The following SGMS1 variants were observed in gnomAD, a reference collection of about 807,000 sequenced individuals.
SGMS1 encodes the protein sphingomyelin synthase 1, also known as phosphatidylcholine:ceramide cholinephosphotransferase 1.
A neutral mutation model predicts 46.2 loss-of-function variants in SGMS1; 13 were observed. That is an observed-to-expected ratio of 0.28 (90% CI 0.18 to 0.45). The LOEUF (loss-of-function observed/expected upper bound fraction) is 0.45. Ranked by LOEUF, SGMS1 falls within the 20% of genes least tolerant of loss-of-function variation. The pLI is 1.00. For synonymous variants in SGMS1, 203 were observed against 187.8 expected, an observed-to-expected ratio of 1.08 and a Z score of -0.66; for missense variants, 324 against 519.9, an observed-to-expected ratio of 0.62 and a Z score of 3.66.
At chr10:50,360,951 T>C (rs1391486667) in intron 6 of SGMS1, among the ~76,000 whole-genome samples, 1 of 152,256 alleles carries the variant, frequency 6.6e-6, no homozygotes, top group Admixed American at 6.5e-5. Flanking sequence ...CGTGCTTTAC[T>C]ATCCTCTGCT....
intron 2 of SGMS1, among the ~76,000 whole-genome samples, chr10:50,571,966 A>G (rs2131859338): frequency 6.6e-6 from 1 of 152,256 alleles, no homozygotes; most frequent in South Asian, 2.1e-4. Flanking sequence ...ATCACCAAAG[A>G]AGGTTCTAAT....
intron 2 of SGMS1, among the ~76,000 whole-genome samples, chr10:50,585,823 T>C (rs1838478193): frequency 1.3e-5 from 2 of 152,224 alleles, no homozygotes; most frequent in South Asian, 4.1e-4. Context: ...TGAAATACAA[T>C]AGACACTCTG....
intron 6 of SGMS1, among the ~76,000 whole-genome samples, chr10:50,345,786 T>C (rs1847904350): frequency 6.6e-6 from 1 of 152,158 alleles, no homozygotes; most frequent in Admixed American, 6.5e-5. Context: ...ATCCCCAAGA[T>C]TGAAATCCGA....
chr10:50,427,362 G>A (rs914452947), intron 6 of SGMS1, among the ~76,000 whole-genome samples: 12 of 152,196 alleles, frequency 7.9e-5, no homozygotes, highest in African/African-American at 2.7e-4. Flanking sequence ...TGGCGCCACA[G>A]CACTCCAGCC....
chr10:50,558,935 T>C (rs1456968762), intron 2 of SGMS1, among the ~76,000 whole-genome samples: 3 of 152,150 alleles, frequency 2.0e-5, no homozygotes, highest in African/African-American at 7.2e-5. Context: ...GAGTAGGCTA[T>C]AAGTAGTTAT....
At chr10:50,461,291 C>G (rs1031294518) in intron 4 of SGMS1, among the ~76,000 whole-genome samples, 5 of 152,182 alleles carry the variant, frequency 3.3e-5, no homozygotes, top group Middle Eastern at 3.4e-3. Flanking sequence ...CAAAACATTA[C>G]CCTCATAAGT....
chr10:50,543,820 C>A (rs1480460110), intron 2 of SGMS1, among the ~76,000 whole-genome samples: 2 of 151,988 alleles, frequency 1.3e-5, no homozygotes, highest in Non-Finnish European at 2.9e-5. Context: ...TTACTTGGTT[C>A]CAAATGTCTT....
intron 6 of SGMS1, among the ~76,000 whole-genome samples, chr10:50,401,044 A>G (rs923699322): frequency 6.6e-5 from 10 of 152,188 alleles, no homozygotes; most frequent in Admixed American, 1.3e-4. Flanking sequence ...ATTGACCTCA[A>G]TGGGACTTGT....
intron 1 of SGMS1, among the ~76,000 whole-genome samples, chr10:50,597,839 CCT>C (rs1192975270): frequency 6.6e-6 from 1 of 151,880 alleles, no homozygotes; most frequent in African/African-American, 2.4e-5. Context: ...CTGGAGAAAC[CCT>C]GTGTCTATTA....
rs373154739 is a variant in SGMS1, at chr10:50,588,807, G to A, written c.-589+1346C>T. On this transcript the variant is annotated intron_variant, in intron 2 of 10. Coordinates refer to ENST00000361781, the MANE Select transcript of SGMS1 (RefSeq NM_147156.4). ...TGCAGAGGCGTGATCTCGGCTCACC[G>A]CAACCTCTGCCTCCCAGGCTCAAGT... Among the ~76,000 whole-genome samples, 11 of 130,404 alleles carry A rather than the reference G, an allele frequency of 8.4e-5. No homozygotes were observed. The East Asian group carries it at 2.1e-3, about 25-fold the overall frequency. 85.6% of individuals were successfully genotyped at this position (130,404 alleles called of 152,430 possible). A position where few individuals can be genotyped will look rare whatever the true frequency, so the allele number is the denominator to read the frequency against.
At position 50,464,754 on chromosome 10, in the gene SGMS1, G is replaced by T. The variant is rs1191696766; in HGVS notation, c.-455+2136C>A. Reference sequence around the variant, plus strand: ...TGGCCCGTTGATTTTAGCCCAGTGAGACCTGCATCAGTCTTCTGACCCACA... The same window carrying T: ...TGGCCCGTTGATTTTAGCCCAGTGATACCTGCATCAGTCTTCTGACCCACA... On this transcript the variant is annotated intron_variant, in intron 4 of 10. Transcript: ENST00000361781. Among the ~76,000 whole-genome samples the T allele has an allele frequency of 4.6e-5, 7 of 152,226 alleles. No homozygotes were observed. The East Asian group carries it at 1.2e-3, about 25-fold the overall frequency.
At chr10:50,498,975 G>C (rs1837638904) in intron 3 of SGMS1, among the ~76,000 whole-genome samples, 1 of 151,988 alleles carries the variant, frequency 6.6e-6, no homozygotes, top group Non-Finnish European at 1.5e-5. Context: ...GCCAACATTT[G>C]TTATTTTCTG....
chr10:50,355,555 G>A (rs987340728), intron 6 of SGMS1, among the ~76,000 whole-genome samples: 5 of 152,164 alleles, frequency 3.3e-5, no homozygotes, highest in Non-Finnish European at 7.3e-5. Flanking sequence ...GATTGCAGAC[G>A]GAGTCTCGCT....
At chr10:50,609,429 T>C (rs1220934789) in intron 1 of SGMS1, among the ~76,000 whole-genome samples, 1 of 151,980 alleles carries the variant, frequency 6.6e-6, no homozygotes, top group African/African-American at 2.4e-5. Flanking sequence ...CTAAGACCTG[T>C]TGAGGACATA....
At chr10:50,622,089 T>C (rs1838857049) in intron 1 of SGMS1, among the ~76,000 whole-genome samples, 1 of 152,142 alleles carries the variant, frequency 6.6e-6, no homozygotes, top group African/African-American at 2.4e-5. Flanking sequence ...CACAGGCTGC[T>C]GCTTGCTTGC....
At chr10:50,424,345 G>A (rs1212766164) in intron 6 of SGMS1, among the ~76,000 whole-genome samples, 2 of 152,126 alleles carry the variant, frequency 1.3e-5, no homozygotes, top group Non-Finnish European at 2.9e-5. Flanking sequence ...CCTGATGCTT[G>A]TACTTACATG....
intron 6 of SGMS1, among the ~76,000 whole-genome samples, chr10:50,404,962 A>T (rs1157424357): frequency 6.6e-6 from 1 of 152,220 alleles, no homozygotes; most frequent in Non-Finnish European, 1.5e-5. Context: ...AAAGCTAAGG[A>T]ACGGTATGTA....
chr10:50,448,847 T>C (rs1837062999), intron 5 of SGMS1, among the ~76,000 whole-genome samples: 1 of 151,454 alleles, frequency 6.6e-6, no homozygotes, highest in Non-Finnish European at 1.5e-5. Flanking sequence ...TTCAAAGAAC[T>C]CTTAAAACTT....
chr10:50,494,943 G>A (rs1837598862), intron 3 of SGMS1, among the ~76,000 whole-genome samples: 1 of 151,270 alleles, frequency 6.6e-6, no homozygotes, highest in Admixed American at 6.6e-5. Context: ...GGCTGAGGCA[G>A]GAGAATGGCG....
Sources: gnomAD v4.1 joint callset for allele counts (sites outside exome capture counted in the v4.1 genomes callset) on GRCh38, gnomAD v4.1.1 for gene constraint, MANE v1.5 for transcripts, NCBI Gene and HGNC (gene_info 2026-07-23, HGNC 2026-07-21) for gene names.